COL26A1: variants seen among roughly 807,000 people sequenced by gnomAD.
COL26A1 encodes collagen alpha-1(XXVI) chain.
Under a neutral mutation model 59.3 loss-of-function variants are expected in COL26A1, and 41 were observed. That is an observed-to-expected ratio of 0.69 (90% CI 0.54 to 0.90). The LOEUF (loss-of-function observed/expected upper bound fraction) is 0.90, where lower values mean the gene tolerates loss of function less well. Ranked by LOEUF, COL26A1 falls within the 40% of genes least tolerant of loss-of-function variation. COL26A1 has a pLI of 0.00. For synonymous variants in COL26A1, 266 were observed against 256.0 expected (o/e 1.04, Z -0.37); for missense variants, 612 against 602.3 (o/e 1.02, Z -0.17).
chr7:101,500,729 G>A lies in COL26A1; in HGVS notation c.386-32353G>A, dbSNP rs548013985. Among the ~76,000 whole-genome samples, 12 of 152,232 alleles carry A rather than the reference G, an allele frequency of 7.9e-5. No individual in the cohort carries two copies. In the South Asian group the frequency reaches 2.3e-3, roughly 29 times the overall value. ...CCAGCTACTTGGGAGGCTGAGGCGG[G>A]AGAATCACTTGAACTCCAGAGGCTG... On this transcript the variant is annotated intron_variant, in intron 3 of 12. Coordinates refer to ENST00000313669, the MANE Select transcript of COL26A1 (RefSeq NM_001278563.3).
chr7:101,526,854 C>A (rs1223660255), intron 3 of COL26A1, among the ~76,000 whole-genome samples: 1 of 152,202 alleles, frequency 6.6e-6, no homozygotes, highest in African/African-American at 2.4e-5. Flanking sequence ...GATGGGAAAA[C>A]TGAGGTGTGG....
At chr7:101,486,182 A>T (rs1036004861) in intron 3 of COL26A1, among the ~76,000 whole-genome samples, 6 of 152,112 alleles carry the variant, frequency 3.9e-5, no homozygotes, top group African/African-American at 1.4e-4. Flanking sequence ...AAAAAAAAAA[A>T]AAAAGTAGTC....
intron 8 of COL26A1, among the ~76,000 whole-genome samples, chr7:101,547,710 T>C (rs1795767299): frequency 6.6e-6 from 1 of 152,126 alleles, no homozygotes; most frequent in Non-Finnish European, 1.5e-5. Flanking sequence ...GAGTCATTCA[T>C]TCATTCATTC....
At position 101,489,842 on chromosome 7, in the gene COL26A1, CTTTCTTT is replaced by C. The variant is rs1563008255; in HGVS notation, c.385+42056_385+42062del. ...TCTTTCTTTCTTTCTTTCTTTCTTTCTTTCTTTCTTTCTTTCTTTCTTTCTTTCTTTC... is the reference window on the plus strand; with the variant it reads ...TCTTTCTTTCTTTCTTTCTTTCTTTCCTTTCTTTCTTTCTTTCTTTCTTTC... On this transcript the variant is annotated intron_variant, in intron 3 of 12. Coordinates refer to ENST00000313669, the MANE Select transcript of COL26A1 (RefSeq NM_001278563.3). Among the ~76,000 whole-genome samples, 27 of 20,748 alleles carry C rather than the reference CTTTCTTT, an allele frequency of 1.3e-3. 2 individuals are homozygous for C. Among genetic ancestry groups the C allele is most frequent in the Admixed American group, 2.4e-3 (4 of 1,650 alleles). 13.6% of individuals were successfully genotyped at this position (20,748 alleles called of 152,430 possible). A position where few individuals can be genotyped will look rare whatever the true frequency, so the allele number is the denominator to read the frequency against.
In COL26A1 at chr7:101,544,016, G is replaced by C; in HGVS notation, c.623G>C (p.Gly208Ala). ...TGPAGPPGQT[G>A]PPGPAGPPGS... ...TCCCCAGGGCCCCCGGGGCAGACAGGACCACCAGGGCCTGCAGGCCCCCCC... is the reference window on the plus strand; with the variant it reads ...TCCCCAGGGCCCCCGGGGCAGACAGCACCACCAGGGCCTGCAGGCCCCCCC... Residue 208 changes from glycine to alanine, a missense_variant, in exon 6 of 13, where the codon GGA (glycine) becomes GCA (alanine). Physicochemically the swap from Gly to Ala is moderately conservative, Grantham distance 60. Transcript: ENST00000313669. 2 of 1,587,168 alleles carry C rather than the reference G, an allele frequency of 1.3e-6. No homozygotes were observed. Among genetic ancestry groups the C allele is most frequent in the Non-Finnish European group, 1.7e-6 (2 of 1,167,482 alleles).
intron 3 of COL26A1, among the ~76,000 whole-genome samples, chr7:101,451,616 C>G (rs1204771644): frequency 6.6e-6 from 1 of 150,536 alleles, no homozygotes; most frequent in Non-Finnish European, 1.5e-5. Flanking sequence ...AAAAACGAAC[C>G]TGAAATTAAG....
At chr7:101,362,645 G>C (rs10228469), upstream of COL26A1, among the ~76,000 whole-genome samples, 88,444 of 152,090 alleles carry the variant, frequency 0.58, 27,365 homozygotes, top group African/African-American at 0.8. Context: ...CCCGAAGAAG[G>C]TTTGGTTTCA....
rs771261306 is a variant in COL26A1, at chr7:101,375,299, A to G, written c.158+12109A>G. 5.3e-5 allele frequency among the ~76,000 whole-genome samples: 8 copies of G among 152,088 alleles called. No homozygotes were observed. In the South Asian group the frequency reaches 1.0e-3, roughly 20 times the overall value. On this transcript the variant is annotated intron_variant, in intron 1 of 12. Coordinates refer to ENST00000313669, the MANE Select transcript of COL26A1 (RefSeq NM_001278563.3). ...TCAAGCGCTTAGAACAATGTCTAGT[A>G]TGTGCTCTAGGAGGCCATATGAAAG...
chr7:101,443,825 A>G (rs1420756254), intron 2 of COL26A1, among the ~76,000 whole-genome samples: 1 of 151,828 alleles, frequency 6.6e-6, no homozygotes, highest in East Asian at 1.9e-4. Context: ...AATTCCTGCA[A>G]GAGTCCCACT....
chr7:101,539,294 ATGTGTGTG>A (rs769498284), intron 4 of COL26A1, among the ~76,000 whole-genome samples: 1 of 135,854 alleles, frequency 7.4e-6, no homozygotes, highest in Non-Finnish European at 1.6e-5. Context: ...GTGTGTGTGT[ATGTGTGTG>A]TGTGTGTGTG....
chr7:101,557,597 GT>G lies in COL26A1; in HGVS notation c.*70del. 1.4e-6 allele frequency: 2 copies of G among 1,478,794 alleles called. No individual in the cohort carries two copies. The highest frequency in any genetic ancestry group is 1.8e-6 in the Non-Finnish European group (2 of 1,099,086). 91.6% of individuals were successfully genotyped at this position (1,478,794 alleles called of 1,614,324 possible). The stretch of plus-strand genomic sequence containing the variant: ...AGCCCCAGAGGCCTGAGCCGCCGCT[GT>G]TTCCTAAAGATGCCCCCAGGGGAAC... On this transcript the variant is annotated 3_prime_UTR_variant, in exon 13 of 13. Transcript: ENST00000313669.
At chr7:101,456,919 T>C (rs1355164888) in intron 3 of COL26A1, among the ~76,000 whole-genome samples, 1 of 152,188 alleles carries the variant, frequency 6.6e-6, no homozygotes, top group Non-Finnish European at 1.5e-5. Context: ...AGTGGGTTCT[T>C]CCTGCCTGCC....
Position 101,454,268 on chromosome 7 carries a change from C to CTTTTTTTTTTTT in COL26A1, c.385+6484_385+6495dup, listed in dbSNP as rs58969139. ...TTTTTCCTTTCCTTTTCTTTTCTTT[C>CTTTTTTTTTTTT]TTTTTTTTTTTTTTGTTATGGAGTC... On this transcript the variant is annotated intron_variant, in intron 3 of 12. Transcript: ENST00000313669. Among the ~76,000 whole-genome samples the CTTTTTTTTTTTT allele has an allele frequency of 3.1e-4, 43 of 137,340 alleles. 1 individual carries two copies. The highest frequency in any genetic ancestry group is 4.9e-4 in the Non-Finnish European group (32 of 64,792). The allele number at this position is 137,340 out of a possible 152,430, so 90.1% of individuals were successfully genotyped here. A position where few individuals can be genotyped will look rare whatever the true frequency, so the allele number is the denominator to read the frequency against.
At chr7:101,496,079 T>G (rs1027823441) in intron 3 of COL26A1, among the ~76,000 whole-genome samples, 3 of 151,994 alleles carry the variant, frequency 2.0e-5, no homozygotes, top group African/African-American at 7.2e-5. Flanking sequence ...AGACCCTGTC[T>G]CAGGGAAAAA....
intron 3 of COL26A1, among the ~76,000 whole-genome samples, chr7:101,528,285 C>G (rs142883907): frequency 6.6e-6 from 1 of 152,302 alleles, no homozygotes; most frequent in Non-Finnish European, 1.5e-5. Flanking sequence ...GCTGAACTTC[C>G]ACCATGCAGG....
At chr7:101,374,193 A>G (rs1222398186) in intron 1 of COL26A1, among the ~76,000 whole-genome samples, 3 of 152,142 alleles carry the variant, frequency 2.0e-5, no homozygotes, top group Non-Finnish European at 2.9e-5. Context: ...CCCAGAAACC[A>G]GGGTCTAGAG....
At chr7:101,397,392 T>A (rs1039047218) in intron 1 of COL26A1, among the ~76,000 whole-genome samples, 1 of 151,756 alleles carries the variant, frequency 6.6e-6, no homozygotes, top group African/African-American at 2.4e-5. Context: ...TTCTTTCTTT[T>A]TTTTTATCTT....
At chr7:101,416,989 G>A (rs1437549330) in intron 1 of COL26A1, among the ~76,000 whole-genome samples, 1 of 151,830 alleles carries the variant, frequency 6.6e-6, no homozygotes, top group Non-Finnish European at 1.5e-5. Context: ...CTATCCACCC[G>A]CCTCAGCCTC....
chr7:101,520,787 T>G (rs1795128737), intron 3 of COL26A1, among the ~76,000 whole-genome samples: 1 of 152,080 alleles, frequency 6.6e-6, no homozygotes, highest in Non-Finnish European at 1.5e-5. Flanking sequence ...CCCTTTATGT[T>G]TTTTCTGGAC....
Sources: gnomAD v4.1 joint callset for allele counts (sites outside exome capture counted in the v4.1 genomes callset) on GRCh38, gnomAD v4.1.1 for gene constraint, MANE v1.5 for transcripts, NCBI Gene and HGNC (gene_info 2026-07-23, HGNC 2026-07-21) for gene names.